DCDC2: variants seen among roughly 807,000 people sequenced by gnomAD.
DCDC2 encodes doublecortin domain-containing protein 2.
Under a neutral mutation model 50.2 loss-of-function variants are expected in DCDC2, and 40 were observed. The ratio of observed to expected loss-of-function variants is 0.80; its 90% CI spans 0.62 to 1.04. The LOEUF is 1.04. Ranked by LOEUF, DCDC2 falls within the 50% of genes least tolerant of loss-of-function variation. The probability of loss-of-function intolerance (pLI) is 0.00; values close to 1 mark genes in which losing one functional copy is unlikely to be tolerated. For missense variants in DCDC2, 570 were observed against 581.9 expected (o/e 0.98, Z 0.21); for synonymous variants, 234 against 210.6 (o/e 1.11, Z -0.96).
At chr6:24,200,747 G>A (rs532545984) in intron 8 of DCDC2, among the ~76,000 whole-genome samples, 1 of 151,880 alleles carries the variant, frequency 6.6e-6, no homozygotes, top group South Asian at 2.1e-4. Context: ...CTGTATTCAG[G>A]AGACTCATCT....
At chr6:24,364,880 T>A in the DCDC2 span, among the ~76,000 whole-genome samples, 1 of 152,210 alleles carries the variant, frequency 6.6e-6, no homozygotes, top group Admixed American at 6.5e-5. Flanking sequence ...AGTTTTAATA[T>A]CCTTTCAAGG....
At chr6:24,313,854 T>C (rs1423689020) in intron 2 of DCDC2, among the ~76,000 whole-genome samples, 3 of 152,194 alleles carry the variant, frequency 2.0e-5, no homozygotes, top group Admixed American at 6.5e-5. Context: ...CTTCAGAGGA[T>C]TCAGCAGAGG....
chr6:24,317,907 G>A (rs989694976), intron 2 of DCDC2, among the ~76,000 whole-genome samples: 2 of 151,118 alleles, frequency 1.3e-5, no homozygotes, highest in Non-Finnish European at 3.0e-5. Flanking sequence ...AAAAATGTTC[G>A]AACTTGTAAC....
chr6:24,339,295 C>T (rs189704686), intron 2 of DCDC2, among the ~76,000 whole-genome samples: 7 of 152,070 alleles, frequency 4.6e-5, no homozygotes, highest in Admixed American at 3.3e-4. Flanking sequence ...CAGCCTGTGC[C>T]GCCTGTATCC....
chr6:24,378,988 G>A, the DCDC2 span, among the ~76,000 whole-genome samples: 2 of 142,202 alleles, frequency 1.4e-5, no homozygotes, highest in Non-Finnish European at 3.0e-5. Context: ...GGCCAATCTA[G>A]CCATATGCAG....
chr6:24,291,586 T>C (rs62400412), intron 4 of DCDC2, among the ~76,000 whole-genome samples: 12 of 144,710 alleles, frequency 8.3e-5, no homozygotes, highest in South Asian at 2.2e-4. Flanking sequence ...CCCGGGTTCA[T>C]GCCATTCTCC....
the DCDC2 span, among the ~76,000 whole-genome samples, chr6:24,371,404 G>C: frequency 6.6e-6 from 1 of 152,118 alleles, no homozygotes; most frequent in East Asian, 1.9e-4. Flanking sequence ...AGGAATTCAA[G>C]AGCAGCCTGG....
At chr6:24,232,034 C>T (rs952426182) in intron 7 of DCDC2, among the ~76,000 whole-genome samples, 19 of 146,962 alleles carry the variant, frequency 1.3e-4, no homozygotes, top group South Asian at 4.4e-4. Flanking sequence ...CACACATACA[C>T]ACATACATAC....
rs73726638 is a variant in DCDC2 at position 24,278,308 on chromosome 6, G to A, written c.760-97C>T. On this transcript the variant is annotated intron_variant, in intron 6 of 9. Transcript: ENST00000378454. The stretch of plus-strand genomic sequence containing the variant: ...CATTAACTACTGGTAAGCAGGGCAG[G>A]GGCAGGGAGGTGTATTGTCCTGGTT... The A allele has an allele frequency of 3.1e-4, 347 of 1,121,728 alleles. 1 individual carries two copies. In the African/African-American group the frequency reaches 5.1e-3, roughly 16 times the overall value. The allele number at this position is 1,121,728 out of a possible 1,614,324, so 69.5% of individuals were successfully genotyped here.
intron 4 of DCDC2, among the ~76,000 whole-genome samples, 157 bp from the exon 5 acceptor site, chr6:24,291,235 T>A (rs543254200): frequency 1.4e-4 from 22 of 152,244 alleles, no homozygotes; most frequent in African/African-American, 5.1e-4. Context: ...ATCCTCATTA[T>A]TGCATTATAG....
rs147288885 is a variant in DCDC2, at chr6:24,288,720, T to C, written c.759+132A>G. 1.1e-5 allele frequency: 8 copies of C among 741,352 alleles called. No homozygotes were observed. In the East Asian group the frequency reaches 2.1e-4, roughly 20 times the overall value. 45.9% of individuals were successfully genotyped at this position (741,352 alleles called of 1,614,324 possible). On this transcript the variant is annotated intron_variant, in intron 6 of 9. Coordinates refer to ENST00000378454, the MANE Select transcript of DCDC2 (RefSeq NM_016356.5). ...GTGTAACATTAAAGTTCTAGTGCTG[T>C]TTCACATAATTGGTTATACACCACG...
chr6:24,310,363 G>C (rs1310437271), intron 2 of DCDC2, among the ~76,000 whole-genome samples: 1 of 152,002 alleles, frequency 6.6e-6, no homozygotes, highest in African/African-American at 2.4e-5. Context: ...AATCTTCTAT[G>C]GTATCAAAGG....
At chr6:24,175,574 A>G (rs916606384) in intron 9 of DCDC2, among the ~76,000 whole-genome samples, 4 of 152,210 alleles carry the variant, frequency 2.6e-5, no homozygotes, top group Non-Finnish European at 5.9e-5. Context: ...AAGAAATTAT[A>G]TATATATATG....
chr6:24,227,239 T>C (rs936934166), intron 7 of DCDC2, among the ~76,000 whole-genome samples: 1 of 152,200 alleles, frequency 6.6e-6, no homozygotes, highest in Non-Finnish European at 1.5e-5. Flanking sequence ...CTGGATGAGA[T>C]GCCAGTTTTG....
At chr6:24,266,615 T>G (rs1454212939) in intron 7 of DCDC2, among the ~76,000 whole-genome samples, 1 of 152,108 alleles carries the variant, frequency 6.6e-6, no homozygotes, top group Non-Finnish European at 1.5e-5. Flanking sequence ...AACACTACAA[T>G]TGAGACATCA....
At chr6:24,298,045 G>A (rs551986283) in intron 4 of DCDC2, among the ~76,000 whole-genome samples, 12 of 152,322 alleles carry the variant, frequency 7.9e-5, no homozygotes, top group South Asian at 4.1e-4. Context: ...CTGGTTTTGC[G>A]GAAGATAATT....
At chr6:24,194,436 G>T (rs901736490) in intron 8 of DCDC2, among the ~76,000 whole-genome samples, 2 of 151,974 alleles carry the variant, frequency 1.3e-5, no homozygotes, top group Non-Finnish European at 2.9e-5. Context: ...CTACAAATAG[G>T]AAAAGCAATA....
chr6:24,317,926 T>C (rs1013517702), intron 2 of DCDC2, among the ~76,000 whole-genome samples: 3 of 151,536 alleles, frequency 2.0e-5, no homozygotes, highest in African/African-American at 7.3e-5. Context: ...ACTAGAGAAA[T>C]GCAAATTAGA....
intron 2 of DCDC2, among the ~76,000 whole-genome samples, chr6:24,307,221 T>A (rs1050765329): frequency 9.9e-5 from 15 of 152,118 alleles, no homozygotes; most frequent in African/African-American, 3.1e-4. Context: ...ACTCACCACG[T>A]CTTGAAAACC....
Sources: gnomAD v4.1 joint callset for allele counts (sites outside exome capture counted in the v4.1 genomes callset) on GRCh38, gnomAD v4.1.1 for gene constraint, MANE v1.5 for transcripts, NCBI Gene and HGNC (gene_info 2026-07-23, HGNC 2026-07-21) for gene names.